PPARD: variants seen among roughly 807,000 people sequenced by gnomAD.
The protein encoded by PPARD is peroxisome proliferator activated receptor delta, also known as peroxisome proliferator-activated receptor delta.
PPARD carries 6 observed loss-of-function variants against 39.5 expected under a neutral mutation model. The ratio of observed to expected loss-of-function variants is 0.15; its 90% CI spans 0.08 to 0.30. The LOEUF (loss-of-function observed/expected upper bound fraction) is 0.30. Among genes scored for constraint, PPARD ranks in the 10% least tolerant of loss-of-function variants. The probability of loss-of-function intolerance (pLI) is 1.00; values close to 1 mark genes in which losing one functional copy is unlikely to be tolerated. For missense variants in PPARD, 397 were observed against 596.8 expected (o/e 0.67, Z 3.49); for synonymous variants, 210 against 231.3 (o/e 0.91, Z 0.83).
chr6:35,369,102 ACTT>A (rs1433382492), intron 2 of PPARD, among the ~76,000 whole-genome samples: 2 of 152,210 alleles, frequency 1.3e-5, no homozygotes, highest in African/African-American at 2.4e-5. Context: ...AGTTAAATAA[ACTT>A]CTATATTTTA....
intron 2 of PPARD, among the ~76,000 whole-genome samples, chr6:35,371,582 C>T (rs902755052): frequency 2.6e-4 from 39 of 152,264 alleles, no homozygotes; most frequent in African/African-American, 8.7e-4. Flanking sequence ...TTACTGACAG[C>T]TTTAAACCTC....
At chr6:35,354,304 C>CTTT (rs942964699) in intron 2 of PPARD, among the ~76,000 whole-genome samples, 5 of 125,812 alleles carry the variant, frequency 4.0e-5, no homozygotes, top group Non-Finnish European at 6.7e-5. Flanking sequence ...TACAACCATT[C>CTTT]TTTTTTTTTT....
chr6:35,405,781 C>T (rs959221225), intron 2 of PPARD, among the ~76,000 whole-genome samples: 11 of 151,994 alleles, frequency 7.2e-5, no homozygotes, highest in African/African-American at 2.7e-4. Context: ...AGGCGTGCGC[C>T]ACCATGCCTG....
rs75869653 is a variant in PPARD, at chr6:35,369,831, G to A, written c.-102+22681G>A. Among the ~76,000 whole-genome samples, 108 of 152,264 alleles carry A rather than the reference G, an allele frequency of 7.1e-4. No homozygotes were observed. In the East Asian group the frequency reaches 0.015, roughly 21 times the overall value. The stretch of plus-strand genomic sequence containing the variant: ...TTGTTGATTTATTGGTTAATTGTCC[G>A]AATCTGTGACTAGAACAAAAGCTCT... On this transcript the variant is annotated intron_variant, in intron 2 of 7. Transcript: ENST00000360694.
chr6:35,397,416 C>G (rs1764408314), intron 2 of PPARD: 1 of 465,490 alleles, frequency 2.1e-6, no homozygotes, highest in Non-Finnish European at 2.8e-6. Flanking sequence ...CCAGACGCTG[C>G]TAGGCCCCTC....
At chr6:35,361,352 C>T (rs184117574) in intron 2 of PPARD, among the ~76,000 whole-genome samples, 1 of 152,220 alleles carries the variant, frequency 6.6e-6, no homozygotes, top group Non-Finnish European at 1.5e-5. Flanking sequence ...TTAGACCAAA[C>T]AGAACTTCAA....
chr6:35,392,528 A>G (rs933760791), intron 2 of PPARD, among the ~76,000 whole-genome samples: 1 of 152,126 alleles, frequency 6.6e-6, no homozygotes, highest in Non-Finnish European at 1.5e-5. Context: ...AGGCCAGTCC[A>G]GATGGATGAA....
In PPARD at chr6:35,366,554, A is replaced by AC. The variant is rs1320250861; in HGVS notation, c.-102+19405dup. Among the ~76,000 whole-genome samples, 3 of 140,830 alleles carry AC rather than the reference A, an allele frequency of 2.1e-5. No homozygotes were observed. The highest frequency in any genetic ancestry group is 4.5e-5 in the Non-Finnish European group (3 of 67,408). 92.4% of individuals were successfully genotyped at this position (140,830 alleles called of 152,430 possible). A position where few individuals can be genotyped will look rare whatever the true frequency, so the allele number is the denominator to read the frequency against. On this transcript the variant is annotated intron_variant, in intron 2 of 7. Coordinates refer to ENST00000360694, the MANE Select transcript of PPARD (RefSeq NM_006238.5). This position sits in a 1 kb window ranked among gnomAD's most constrained non-coding sequence, Gnocchi z 4.6. ...AAATTCCTGGCCTGTAGTACTAAAT[A>AC]CTTTTTTTTTTTTTTAAGACAATCT...
At chr6:35,352,082 T>TG (rs1343662990) in intron 2 of PPARD, among the ~76,000 whole-genome samples, 1 of 151,912 alleles carries the variant, frequency 6.6e-6, no homozygotes, top group African/African-American at 2.4e-5. Context: ...TTGTCCAGGC[T>TG]GGTCTCAAAC....
chr6:35,379,701 G>C (rs1203315353), intron 2 of PPARD, among the ~76,000 whole-genome samples: 1 of 152,236 alleles, frequency 6.6e-6, no homozygotes, highest in Non-Finnish European at 1.5e-5. Flanking sequence ...CCCAAAAGGA[G>C]CTGTTCTCTT....
chr6:35,421,399 G>A (rs539959782), intron 4 of PPARD, among the ~76,000 whole-genome samples: 2 of 151,846 alleles, frequency 1.3e-5, no homozygotes, highest in South Asian at 2.1e-4. Flanking sequence ...GTGTAATGGC[G>A]CGATCTTGGC....
In PPARD at chr6:35,424,412, C is replaced by T. The variant is rs781582552; in HGVS notation, c.711C>T (p.Pro237=). ...AGCAGTTGGTGAATGGCCTGCCTCC[C>T]TACAAGGAGATCAGCGTGCACGTCT... ...VWKQLVNGLP[P]YKEISVHVFY... is the part of the protein sequence containing the mutation. The change falls in exon 7 of 8, where the codon CCC becomes CCT. Residue 237 remains proline (P), a synonymous_variant. Transcript: ENST00000360694. This position sits in a 1 kb window ranked among gnomAD's most constrained non-coding sequence, Gnocchi z 7.1. 2.5e-6 allele frequency: 4 copies of T among 1,614,128 alleles called. No homozygotes were observed. The highest frequency in any genetic ancestry group is 8.5e-7 in the Non-Finnish European group (1 of 1,179,992).
chr6:35,400,758 C>G (rs1475796598), intron 2 of PPARD, among the ~76,000 whole-genome samples: 1 of 151,698 alleles, frequency 6.6e-6, no homozygotes, highest in East Asian at 1.9e-4. Flanking sequence ...TGTGATTGTG[C>G]CACTGCACTC....
chr6:35,399,601 G>A (rs1374577813), intron 2 of PPARD, among the ~76,000 whole-genome samples: 4 of 152,002 alleles, frequency 2.6e-5, no homozygotes, highest in Admixed American at 1.3e-4. Context: ...TGTAGTCCCA[G>A]CTACTCTGGA....
In PPARD at chr6:35,424,116, A is replaced by G. The variant is rs200126997; in HGVS notation, c.595A>G (p.Ser199Gly). ...CAACATGACCAAAAAGAAGGCCCGCAGCATCCTCACCGGCAAAGCCAGCCA... is the reference window on the plus strand; with the variant it reads ...CAACATGACCAAAAAGAAGGCCCGCGGCATCCTCACCGGCAAAGCCAGCCA... The part of the protein sequence containing the change: ...NFNMTKKKAR[S>G]ILTGKASHTA... Residue 199 changes from serine (S) to glycine (G), a missense_variant, in exon 6 of 8, where the codon AGC becomes GGC. Ser to Gly is a moderately conservative substitution (Grantham distance 56). Coordinates refer to ENST00000360694, the MANE Select transcript of PPARD (RefSeq NM_006238.5). The surrounding 1 kb of genome is among the most constrained non-coding windows in gnomAD (Gnocchi z 7.1). 3.2e-5 allele frequency: 51 copies of G among 1,613,426 alleles called. No individual in the cohort carries two copies. The highest frequency in any genetic ancestry group is 4.2e-5 in the Non-Finnish European group (49 of 1,180,046).
chr6:35,380,257 C>T (rs961255457), intron 2 of PPARD, among the ~76,000 whole-genome samples: 3 of 152,164 alleles, frequency 2.0e-5, no homozygotes, highest in African/African-American at 7.2e-5. Context: ...CCTTCCAATT[C>T]TGTGCCCTGC....
Position 35,412,440 on chromosome 6 carries a change from C to T in PPARD, c.130+1223C>T, listed in dbSNP as rs371412728. Among the ~76,000 whole-genome samples, 68 of 152,324 alleles carry T rather than the reference C, an allele frequency of 4.5e-4. 1 individual carries two copies. In the South Asian group the frequency reaches 0.013, roughly 30 times the overall value. ...GGTGACTCAGGCAGAGGAGCAAGCC[C>T]ACCCCGCAGAAATGGGCTCTGGACC... On this transcript the variant is annotated intron_variant, in intron 3 of 7. Coordinates refer to ENST00000360694, the MANE Select transcript of PPARD (RefSeq NM_006238.5). This position sits in a 1 kb window ranked among gnomAD's most constrained non-coding sequence, Gnocchi z 4.1.
At chr6:35,346,048 T>C (rs2150410236) in intron 1 of PPARD, among the ~76,000 whole-genome samples, 1 of 152,178 alleles carries the variant, frequency 6.6e-6, no homozygotes, top group Middle Eastern at 3.4e-3. Context: ...GGCTCATTTT[T>C]TTTTGTAGTT....
chr6:35,396,040 A>G (rs78311839), intron 2 of PPARD, among the ~76,000 whole-genome samples: 3 of 151,982 alleles, frequency 2.0e-5, no homozygotes, highest in African/African-American at 7.3e-5. Context: ...TGCATTTGGT[A>G]TGACCTGCTT....
Sources: allele counts gnomAD v4.1 joint callset (sites outside exome capture counted in the v4.1 genomes callset), GRCh38; gene constraint gnomAD v4.1.1; non-coding constraint Gnocchi (gnomAD v3.1); transcripts MANE v1.5; gene names NCBI Gene and HGNC (gene_info 2026-07-23, HGNC 2026-07-21).